TGM5: variants seen among roughly 807,000 people sequenced by gnomAD.
TGM5 encodes the protein protein-glutamine gamma-glutamyltransferase 5.
In TGM5, 69 loss-of-function variants were observed where a neutral mutation model predicts 77.2. The ratio of observed to expected loss-of-function variants is 0.89; its 90% CI spans 0.74 to 1.09. TGM5 has a LOEUF of 1.09. TGM5 is among the 50% of genes least tolerant of loss of function. The pLI, the probability that TGM5 is intolerant of heterozygous loss-of-function variation, is 0.00. For synonymous variants in TGM5, 346 were observed against 351.8 expected, an observed-to-expected ratio of 0.98 and a Z score of 0.18; for missense variants, 842 against 896.5, an observed-to-expected ratio of 0.94 and a Z score of 0.78.
At chr15:43,256,165 T>G (rs940303107) in intron 4 of TGM5, among the ~76,000 whole-genome samples, 3 of 152,174 alleles carry the variant, frequency 2.0e-5, no homozygotes, top group African/African-American at 7.2e-5. Flanking sequence ...GAACTGATGC[T>G]AGGGGTCAGT....
chr15:43,260,926 C>G (rs1174739463), intron 1 of TGM5, among the ~76,000 whole-genome samples: 1 of 152,128 alleles, frequency 6.6e-6, no homozygotes, highest in Non-Finnish European at 1.5e-5. Context: ...CACATGGCTT[C>G]AGATTCACCC....
At chr15:43,264,926 A>G (rs1420987581) in intron 1 of TGM5, among the ~76,000 whole-genome samples, 5 of 152,198 alleles carry the variant, frequency 3.3e-5, no homozygotes, top group Admixed American at 3.3e-4. Context: ...TTATTATTAT[A>G]AAAGAAATTA....
chr15:43,259,619 A>G (rs2042769963), intron 3 of TGM5, among the ~76,000 whole-genome samples: 1 of 152,184 alleles, frequency 6.6e-6, no homozygotes, highest in Admixed American at 6.5e-5. Context: ...AAAGAATAGA[A>G]CTGCTGTTGA....
At chr15:43,241,328 T>C (rs1407214787) in intron 6 of TGM5, 1 of 386,826 alleles carries the variant, frequency 2.6e-6, no homozygotes, top group Non-Finnish European at 4.9e-6. Flanking sequence ...CAACTGCATT[T>C]CTCTTCTGGC....
At chr15:43,253,315 G>A (rs975000603) in intron 5 of TGM5, among the ~76,000 whole-genome samples, 191 bp downstream of exon 5, 3 of 152,222 alleles carry the variant, frequency 2.0e-5, no homozygotes, top group Non-Finnish European at 2.9e-5. Context: ...GGAATTAATA[G>A]AGGTGATGAC....
chr15:43,255,794 G>T (rs550486693), intron 4 of TGM5, among the ~76,000 whole-genome samples: 2 of 152,310 alleles, frequency 1.3e-5, no homozygotes, highest in South Asian at 4.1e-4. Flanking sequence ...CCTGCTGCAG[G>T]CTGAATTTGA....
chr15:43,236,268 A>G (rs1297534823), intron 9 of TGM5, among the ~76,000 whole-genome samples: 1 of 152,140 alleles, frequency 6.6e-6, no homozygotes, highest in Non-Finnish European at 1.5e-5. Flanking sequence ...CAGAGAAATA[A>G]ACCTCATAAA....
intron 4 of TGM5, 70 bp from the exon 5 acceptor site, chr15:43,253,704 TTCCC>T: frequency 2.5e-6 from 4 of 1,587,352 alleles, no homozygotes; most frequent in Non-Finnish European, 2.6e-6. Flanking sequence ...AAGTAATGAC[TTCCC>T]CCCAACCCTA....
At chr15:43,233,777 A>G in intron 11 of TGM5, 90 bp from the exon 12 acceptor site, 1 of 1,452,694 alleles carries the variant, frequency 6.9e-7, no homozygotes, top group South Asian at 1.2e-5. Context: ...AGGTGGCAGG[A>G]TATGCCACCT....
At position 43,234,913 on chromosome 15, in the gene TGM5, G is replaced by T. The variant is rs762590717; in HGVS notation, c.1731C>A (p.Cys577Ter). The part of the protein sequence containing the change: ...LSPKEAKTYP[C>*]KISYSQYSQY... Reference sequence around the variant, plus strand: ...GGCTGTACTGGGAATAGGAGATTTTGCAGGGGTAGGTCTTTGCTAAAGAAA... The same window carrying T: ...GGCTGTACTGGGAATAGGAGATTTTTCAGGGGTAGGTCTTTGCTAAAGAAA... The change falls in exon 11 of 13, where the codon TGC (cysteine) becomes TGA (stop). Residue 577 changes from cysteine to a stop codon, truncating the protein, a stop_gained. Coordinates refer to ENST00000220420, the MANE Select transcript of TGM5 (RefSeq NM_201631.4). LOFTEE classifies it high-confidence loss of function. 6.2e-7 allele frequency: 1 copy of T among 1,614,088 alleles called. No individual in the cohort carries two copies. Among genetic ancestry groups the T allele is most frequent in the Non-Finnish European group, 8.5e-7 (1 of 1,179,988 alleles).
chr15:43,238,712 G>A, intron 9 of TGM5, 105 bp downstream of exon 9: 1 of 1,524,488 alleles, frequency 6.6e-7, no homozygotes, highest in Non-Finnish European at 8.8e-7. Flanking sequence ...CAGCTGAGGA[G>A]ACAGTGGGGC....
Position 43,252,752 on chromosome 15 carries a change from C to T in TGM5, c.862+7G>A, listed in dbSNP as rs761800656. On this transcript the variant is annotated splice_region_variant and intron_variant, in intron 6 of 12. Transcript: ENST00000220420. ...GACCTTTTTGTGGGGTCCTTTCTAC[C>T]TCCTACCTGTGCACATGACGGCAGC... 2 of 1,613,522 alleles carry T rather than the reference C, an allele frequency of 1.2e-6. No homozygotes were observed. The highest frequency in any genetic ancestry group is 1.7e-6 in the Non-Finnish European group (2 of 1,180,032).
Position 43,256,590 on chromosome 15 carries a change from G to C in TGM5, c.533C>G (p.Pro178Arg). 2 of 1,614,082 alleles carry C rather than the reference G, an allele frequency of 1.2e-6. No homozygotes were observed. Among genetic ancestry groups the C allele is most frequent in the Non-Finnish European group, 1.7e-6 (2 of 1,179,944 alleles). The change falls in exon 4 of 13, where the codon CCA becomes CGA. Residue 178 changes from proline (P) to arginine (R), a missense_variant. Physicochemically the swap from Pro to Arg is moderately radical, Grantham distance 103. Around this residue, in one of 2 missense-constraint regions of TGM5, gnomAD observed 815 missense variants for 844.6 expected, o/e 0.96. Coordinates refer to ENST00000220420, the MANE Select transcript of TGM5 (RefSeq NM_201631.4). The part of the protein sequence containing the change: ...IYQGSKNWIR[P>R]CPWNYGQFED... ...CACCTGTCCATAGTTCCAGGGACAT[G>C]GGCGGATCCAGTTCTTGCTGCCTTG...
chr15:43,242,909 C>G (rs990502619), intron 6 of TGM5, among the ~76,000 whole-genome samples: 9 of 152,178 alleles, frequency 5.9e-5, no homozygotes, highest in African/African-American at 2.2e-4. Context: ...AAAGTACAGT[C>G]AGGAGGGTGG....
intron 1 of TGM5, among the ~76,000 whole-genome samples, chr15:43,264,444 A>G (rs994489299): frequency 1.3e-5 from 2 of 152,236 alleles, no homozygotes; most frequent in Non-Finnish European, 2.9e-5. Flanking sequence ...CTATAAAAAA[A>G]AAGAATGCTG....
chr15:43,235,771 C>G lies in TGM5; in HGVS notation c.1412G>C (p.Gly471Ala). The change falls in exon 10 of 13, where the codon GGC (glycine) becomes GCC (alanine). Residue 471 changes from glycine to alanine, a missense_variant. Transcript: ENST00000220420. Reference protein sequence around the residue: ...LQKLKARSFHGSQRGAELQPS... With the variant: ...LQKLKARSFHASQRGAELQPS... ...TTGCAACTCTGCTCCTCTTTGGGAG[C>G]CATGGAAGCTTCTAGCCTTCAGCTT... is the stretch of plus-strand genomic sequence containing the variant. 1 of 1,614,206 alleles carries G rather than the reference C, an allele frequency of 6.2e-7. No individual in the cohort carries two copies. Among genetic ancestry groups the G allele is most frequent in the Non-Finnish European group, 8.5e-7 (1 of 1,180,034 alleles).
At chr15:43,261,072 G>GTTTTTT (rs1566837432) in intron 1 of TGM5, among the ~76,000 whole-genome samples, 8 of 53,880 alleles carry the variant, frequency 1.5e-4, no homozygotes, top group African/African-American at 4.6e-4. Context: ...TTTTTTGTGT[G>GTTTTTT]TGTGTTTTTT....
chr15:43,235,682 G>A lies in TGM5; in HGVS notation c.1501C>T (p.Pro501Ser). 6.2e-7 allele frequency: 1 copy of A among 1,614,204 alleles called. No individual in the cohort carries two copies. Among genetic ancestry groups the A allele is most frequent in the Non-Finnish European group, 8.5e-7 (1 of 1,180,050 alleles). The part of the protein sequence containing the change: ...PRSLHTPSLR[P>S]SDVVQVSLKF... The stretch of plus-strand genomic sequence containing the variant: ...AGGGAGACTTGCACCACATCACTGG[G>A]TCGAAGGGAAGGTGTATGCAGGCTC... Residue 501 changes from proline (P) to serine (S), a missense_variant, in exon 10 of 13, where the codon CCC becomes TCC. Pro to Ser is a moderately conservative substitution (Grantham distance 74). Transcript: ENST00000220420.
chr15:43,255,491 A>AT (rs1566835279), intron 4 of TGM5, among the ~76,000 whole-genome samples: 1 of 152,178 alleles, frequency 6.6e-6, no homozygotes, highest in East Asian at 1.9e-4. Flanking sequence ...CTTAGTGAGG[A>AT]TTGGGGATGT....
Sources: allele counts gnomAD v4.1 joint callset (sites outside exome capture counted in the v4.1 genomes callset), GRCh38; gene constraint gnomAD v4.1.1; regional missense constraint gnomAD v4.1.1; transcripts MANE v1.5; gene names NCBI Gene and HGNC (gene_info 2026-07-23, HGNC 2026-07-21).